Variants in CLVS1 observed in about 807,000 individuals in gnomAD.
The protein encoded by CLVS1 is clavesin-1.
A neutral mutation model predicts 33.1 loss-of-function variants in CLVS1; 10 were observed. The observed-to-expected ratio is 0.30, with a 90% confidence interval of 0.19 to 0.51. The LOEUF is 0.51. Ranked by LOEUF, CLVS1 falls within the 20% of genes least tolerant of loss-of-function variation. CLVS1 has a pLI of 0.97. For missense variants in CLVS1, 343 were observed against 433.4 expected, an observed-to-expected ratio of 0.79 and a Z score of 1.85; for synonymous variants, 163 against 166.1, an observed-to-expected ratio of 0.98 and a Z score of 0.14.
intron 2 of CLVS1, among the ~76,000 whole-genome samples, chr8:61,374,424 G>A (rs1813562121): frequency 6.6e-6 from 1 of 152,134 alleles, no homozygotes; most frequent in Admixed American, 6.5e-5. Context: ...ACTCCCTGAT[G>A]CCCTAATGAT....
intron 1 of CLVS1, among the ~76,000 whole-genome samples, chr8:61,121,041 A>C (rs905198275): frequency 4.7e-5 from 7 of 149,500 alleles, no homozygotes; most frequent in Non-Finnish European, 8.9e-5. Context: ...TGGGCGTAGG[A>C]CCCTCCAAGC....
At chr8:60,971,056 C>G in the CLVS1 span, among the ~76,000 whole-genome samples, 1 of 108,216 alleles carries the variant, frequency 9.2e-6, no homozygotes, top group African/African-American at 3.4e-5. Flanking sequence ...TTTTTTTGTT[C>G]TTTGATGACT....
chr8:61,202,373 A>T, intron 2 of CLVS1: 1 of 750,774 alleles, frequency 1.3e-6, no homozygotes. Context: ...ATGGACGTGG[A>T]CATGAGCTCC....
chr8:61,287,764 C>A (rs894061676), upstream of CLVS1, among the ~76,000 whole-genome samples: 1 of 152,158 alleles, frequency 6.6e-6, no homozygotes, highest in African/African-American at 2.4e-5. Context: ...TCTGCTTTTG[C>A]GCTTTCATTA....
intron 2 of CLVS1, among the ~76,000 whole-genome samples, chr8:61,163,525 C>T (rs955899101): frequency 2.0e-5 from 3 of 152,138 alleles, no homozygotes; most frequent in South Asian, 2.1e-4. Flanking sequence ...GTATTTGTTA[C>T]GGGTGAGTCT....
chr8:61,077,212 T>A (rs1215966753), intron 1 of CLVS1, among the ~76,000 whole-genome samples: 1 of 151,738 alleles, frequency 6.6e-6, no homozygotes, highest in Non-Finnish European at 1.5e-5. Context: ...TAGCTGGGAC[T>A]ACAGGCGCCT....
intron 1 of CLVS1, among the ~76,000 whole-genome samples, chr8:61,123,769 G>A (rs1805921551): frequency 6.6e-6 from 1 of 152,116 alleles, no homozygotes; most frequent in African/African-American, 2.4e-5. Context: ...GGTGACCCCT[G>A]CTCACTCAGC....
chr8:61,059,475 C>CTTATATATATATATATATAT (rs71559322), intron 1 of CLVS1, among the ~76,000 whole-genome samples: 1 of 50,214 alleles, frequency 2.0e-5, no homozygotes, highest in Non-Finnish European at 4.0e-5. Context: ...TACATACATA[C>CTTATATATATATATATATAT]ATATATATAT....
intron 2 of CLVS1, among the ~76,000 whole-genome samples, chr8:61,177,837 C>G (rs1320786684): frequency 2.7e-5 from 4 of 150,100 alleles, no homozygotes; most frequent in Non-Finnish European, 1.5e-5. Context: ...AAACCTCATC[C>G]AAGGGTCAGC....
rs1815565809 is a variant in CLVS1 at position 61,419,395 on chromosome 8, T to TAA, written c.631-34746_631-34745insAA. Among the ~76,000 whole-genome samples the TAA allele has an allele frequency of 9.2e-5, 7 of 75,806 alleles. No individual in the cohort carries two copies. The African/African-American group carries it at 1.1e-3, about 12-fold the overall frequency. The allele number at this position is 75,806 out of a possible 152,430, so 49.7% of individuals were successfully genotyped here. A position where few individuals can be genotyped will look rare whatever the true frequency, so the allele number is the denominator to read the frequency against. ...CTGGGTGACAGAGCAAGACTCCGTC[T>TAA]CAAAAAAAAAAAAAAAAAAAATATT... On this transcript the variant is annotated intron_variant, in intron 3 of 5. Transcript: ENST00000325897.
upstream of CLVS1, among the ~76,000 whole-genome samples, chr8:61,056,271 T>A (rs761063593): frequency 1.3e-5 from 2 of 152,154 alleles, no homozygotes; most frequent in African/African-American, 2.4e-5. Flanking sequence ...TTGGGGTAGG[T>A]CCCAAAAAAC....
chr8:61,440,994 A>C lies in CLVS1; in HGVS notation c.631-13147A>C, dbSNP rs142676993. Among the ~76,000 whole-genome samples the C allele has an allele frequency of 4.3e-3, 653 of 152,286 alleles. 6 individuals carry two copies. Among genetic ancestry groups the C allele is most frequent in the African/African-American group, 0.015 (633 of 41,570 alleles). On this transcript the variant is annotated intron_variant, in intron 3 of 5. Coordinates refer to ENST00000325897, the MANE Select transcript of CLVS1 (RefSeq NM_173519.3). ...GGTGTGTAACTGCTATTGCATGAGC[A>C]CTTCATTTTCTTTCAAATAGGTGGA...
At chr8:61,266,610 C>G (rs1809308098) in intron 2 of CLVS1, among the ~76,000 whole-genome samples, 2 of 152,120 alleles carry the variant, frequency 1.3e-5, no homozygotes, top group African/African-American at 4.8e-5. Context: ...TTTTTCCTAG[C>G]CTCTTTGCTC....
intron 2 of CLVS1, among the ~76,000 whole-genome samples, chr8:61,245,702 T>C (rs1166413386): frequency 6.6e-6 from 1 of 151,506 alleles, no homozygotes; most frequent in East Asian, 1.9e-4. Flanking sequence ...TATATATAAA[T>C]TATACCTTTT....
At chr8:61,148,885 C>A (rs1045014552) in intron 2 of CLVS1, among the ~76,000 whole-genome samples, 1 of 152,144 alleles carries the variant, frequency 6.6e-6, no homozygotes, top group African/African-American at 2.4e-5. Context: ...TCAAACATAG[C>A]AAGAGTCACT....
intron 2 of CLVS1, among the ~76,000 whole-genome samples, chr8:61,252,433 C>G (rs1808969890): frequency 6.6e-6 from 1 of 152,138 alleles, no homozygotes; most frequent in Non-Finnish European, 1.5e-5. Context: ...TCTATTAGGT[C>G]TGCTTGGTCC....
intron 2 of CLVS1, among the ~76,000 whole-genome samples, chr8:61,313,220 A>C (rs1249409769): frequency 6.6e-6 from 1 of 152,166 alleles, no homozygotes; most frequent in African/African-American, 2.4e-5. Flanking sequence ...TTTAAGGAGA[A>C]GTAAGAGTGA....
At chr8:61,408,133 C>T (rs999063744) in intron 3 of CLVS1, among the ~76,000 whole-genome samples, 2 of 151,858 alleles carry the variant, frequency 1.3e-5, no homozygotes, top group East Asian at 1.9e-4. Context: ...GTCCATTGGG[C>T]GGTAGGGAGA....
chr8:61,423,709 T>A (rs1311265113), intron 3 of CLVS1, among the ~76,000 whole-genome samples: 1 of 152,172 alleles, frequency 6.6e-6, no homozygotes, highest in Non-Finnish European at 1.5e-5. Context: ...AAAATGGGCA[T>A]ATGGGTACTG....
Sources: allele counts gnomAD v4.1 joint callset (sites outside exome capture counted in the v4.1 genomes callset), GRCh38; gene constraint gnomAD v4.1.1; transcripts MANE v1.5; gene names NCBI Gene and HGNC (gene_info 2026-07-23, HGNC 2026-07-21).